The following ANXA6 variants were observed in gnomAD, a reference collection of about 807,000 sequenced individuals.
ANXA6 encodes the protein 67 kDa calelectrin.
In ANXA6, 71 loss-of-function variants were observed where a neutral mutation model predicts 95.4. That is an observed-to-expected ratio of 0.74 (90% confidence interval 0.61 to 0.91). The LOEUF (loss-of-function observed/expected upper bound fraction) is 0.91. Among genes scored for constraint, ANXA6 ranks in the 40% least tolerant of loss-of-function variants. The pLI, the probability that ANXA6 is intolerant of heterozygous loss-of-function variation, is 0.00. For missense variants in ANXA6, 830 were observed against 876.4 expected (o/e 0.95, Z 0.67); for synonymous variants, 289 against 315.9 (o/e 0.91, Z 0.90).
At chr5:151,109,663 C>A in intron 22 of ANXA6, 90 bp downstream of exon 22, 1 of 1,050,014 alleles carries the variant, frequency 9.5e-7, no homozygotes, top group South Asian at 1.4e-5. Flanking sequence ...GGGTGGGCAA[C>A]GGGCTCCTCT....
At chr5:151,118,773 G>A (rs532989137) in intron 18 of ANXA6, among the ~76,000 whole-genome samples, 7 of 151,816 alleles carry the variant, frequency 4.6e-5, no homozygotes, top group Non-Finnish European at 7.4e-5. Flanking sequence ...TTGCCATGTC[G>A]CCCAGGCTGG....
rs17728406 is a variant in ANXA6, at chr5:151,110,563, G to C, written c.1590+64C>G. 78 of 1,570,288 alleles carry C rather than the reference G, an allele frequency of 5.0e-5. No homozygotes were observed. The Admixed American group carries it at 6.4e-4, about 13-fold the overall frequency. On this transcript the variant is annotated intron_variant, in intron 21 of 25. Coordinates refer to ENST00000354546, the MANE Select transcript of ANXA6 (RefSeq NM_001155.5). ...ATCACTGCTCGATACTGCCCCGCTC[G>C]GCCCAGTAAAGGCGGACTTTACTCA...
intron 18 of ANXA6, among the ~76,000 whole-genome samples, chr5:151,118,936 T>C (rs1445794866): frequency 6.6e-6 from 1 of 152,170 alleles, no homozygotes; most frequent in African/African-American, 2.4e-5. Context: ...CGCTTAAAAA[T>C]GAAGAATTTC....
chr5:151,129,854 G>A (rs1222112550), intron 11 of ANXA6, among the ~76,000 whole-genome samples: 1 of 152,114 alleles, frequency 6.6e-6, no homozygotes, highest in African/African-American at 2.4e-5. Flanking sequence ...GGGAGTACAG[G>A]TACCCACCAC....
chr5:151,129,512 G>A lies in ANXA6; in HGVS notation c.813C>T (p.Asp271=), dbSNP rs557062451. Residue 271 remains aspartate (D), a synonymous_variant, in exon 12 of 26, where the codon GAC becomes GAT. Coordinates refer to ENST00000354546, the MANE Select transcript of ANXA6 (RefSeq NM_001155.5). Reference sequence around the variant, plus strand: ...AGACCATGATGCGGATCAGGGTGTTGTCCCGAGTCCCCAGGCCCTGCAAGA... The same window carrying A: ...AGACCATGATGCGGATCAGGGTGTTATCCCGAGTCCCCAGGCCCTGCAAGA... ...FKAMKGLGTR[D]NTLIRIMVSR... The A allele has an allele frequency of 6.2e-7, 1 of 1,606,112 alleles. No individual in the cohort carries two copies. The highest frequency in any genetic ancestry group is 8.5e-7 in the Non-Finnish European group (1 of 1,176,368).
Position 151,117,113 on chromosome 5 carries a change from G to T in ANXA6, c.1572+14C>A, listed in dbSNP as rs1765021440. On this transcript the variant is annotated intron_variant, in intron 20 of 25. Coordinates refer to ENST00000354546, the MANE Select transcript of ANXA6 (RefSeq NM_001155.5). ...CACCCGGCAGAGGTGACTGGGGTGG[G>T]CTGGGGGTCTTACCTGGGCATCTTC... 1.3e-6 allele frequency: 2 copies of T among 1,582,474 alleles called. No individual in the cohort carries two copies. Among genetic ancestry groups the T allele is most frequent in the African/African-American group, 2.7e-5 (2 of 73,888 alleles).
intron 22 of ANXA6, among the ~76,000 whole-genome samples, chr5:151,108,937 C>T (rs752906116): frequency 2.0e-5 from 3 of 152,166 alleles, no homozygotes; most frequent in Admixed American, 6.5e-5. Flanking sequence ...CTCCTGTGTC[C>T]GCTTGGGATG....
rs1277159399 is a variant in ANXA6 at position 151,101,343 on chromosome 5, C to T, written c.*105G>A. ...GAGCCCAACCCAACCCCTCCCCCCA[C>T]CCCTGCCCCTTCCTTAGTCTCTGGA... is the stretch of plus-strand genomic sequence containing the variant. On this transcript the variant is annotated 3_prime_UTR_variant, in exon 26 of 26. Coordinates refer to ENST00000354546, the MANE Select transcript of ANXA6 (RefSeq NM_001155.5). The T allele has an allele frequency of 2.3e-6, 1 of 426,810 alleles. No homozygotes were observed. Among genetic ancestry groups the T allele is most frequent in the South Asian group, 1.7e-5 (1 of 60,300 alleles). The allele number at this position is 426,810 out of a possible 1,614,324, so 26.4% of individuals were successfully genotyped here.
intron 1 of ANXA6, among the ~76,000 whole-genome samples, chr5:151,157,147 G>C (rs79250332): frequency 0.15 from 23,143 of 152,040 alleles, 2,200 homozygotes; most frequent in Non-Finnish European, 0.21. Flanking sequence ...GTCCAATGAG[G>C]CCCTGAGGTA....
intron 8 of ANXA6, 161 bp from the exon 9 acceptor site, chr5:151,133,348 G>T: frequency 3.4e-6 from 2 of 586,232 alleles, no homozygotes; most frequent in Non-Finnish European, 6.2e-6. Context: ...TTAATGATGG[G>T]GATACATTCT....
rs1168408264 is a variant in ANXA6 at position 151,133,205 on chromosome 5, G to A, written c.547-18C>T. The A allele has an allele frequency of 2.1e-5, 33 of 1,543,404 alleles. No homozygotes were observed. Among genetic ancestry groups the A allele is most frequent in the Non-Finnish European group, 2.9e-5 (33 of 1,136,228 alleles). On this transcript the variant is annotated intron_variant, in intron 8 of 25. Coordinates refer to ENST00000354546, the MANE Select transcript of ANXA6 (RefSeq NM_001155.5). ...TATAGGTCCTGAAGGGGAAGAGGTGGCACTTGACTGAAAGAGGAAACCTCA... is the reference window on the plus strand; with the variant it reads ...TATAGGTCCTGAAGGGGAAGAGGTGACACTTGACTGAAAGAGGAAACCTCA...
chr5:151,101,121 T>C lies in ANXA6; in HGVS notation c.*327A>G, dbSNP rs1267724587. 1 of 524,194 alleles carries C rather than the reference T, an allele frequency of 1.9e-6. No homozygotes were observed. The highest frequency in any genetic ancestry group is 3.6e-6 in the Non-Finnish European group (1 of 277,852). 32.5% of individuals were successfully genotyped at this position (524,194 alleles called of 1,614,324 possible). A position where few individuals can be genotyped will look rare whatever the true frequency, so the allele number is the denominator to read the frequency against. On this transcript the variant is annotated 3_prime_UTR_variant, in exon 26 of 26. Coordinates refer to ENST00000354546, the MANE Select transcript of ANXA6 (RefSeq NM_001155.5). ...CACTACTCATTTTACAGACAGAGGT[T>C]CAGGATGTTTTTGGATCTGACATAG...
intron 2 of ANXA6, among the ~76,000 whole-genome samples, chr5:151,146,747 G>A (rs182052533): frequency 1.3e-5 from 2 of 152,226 alleles, no homozygotes; most frequent in African/African-American, 2.4e-5. Flanking sequence ...TTTCTCCAAC[G>A]CCAGCCAACA....
At chr5:151,110,465 C>T (rs750224669) in intron 21 of ANXA6, among the ~76,000 whole-genome samples, 162 bp downstream of exon 21, 1 of 152,194 alleles carries the variant, frequency 6.6e-6, no homozygotes, top group Admixed American at 6.5e-5. Context: ...GTTTGGGAAA[C>T]ACTTGCCTGG....
At chr5:151,129,258 C>T in intron 12 of ANXA6, 149 bp downstream of exon 12, 1 of 1,015,104 alleles carries the variant, frequency 9.9e-7, no homozygotes, top group Non-Finnish European at 1.4e-6. Context: ...CCTTAAATTC[C>T]TTGAATGAGC....
At position 151,117,119 on chromosome 5, in the gene ANXA6, G is replaced by A. The variant is rs1197671326; in HGVS notation, c.1572+8C>T. 8 of 1,587,144 alleles carry A rather than the reference G, an allele frequency of 5.0e-6. No homozygotes were observed. The highest frequency in any genetic ancestry group is 6.9e-6 in the Non-Finnish European group (8 of 1,163,668). On this transcript the variant is annotated splice_region_variant and intron_variant, in intron 20 of 25. Coordinates refer to ENST00000354546, the MANE Select transcript of ANXA6 (RefSeq NM_001155.5). ...GCAGAGGTGACTGGGGTGGGCTGGG[G>A]GTCTTACCTGGGCATCTTCCCGTGC...
chr5:151,124,593 G>C (rs570994941), intron 14 of ANXA6, among the ~76,000 whole-genome samples: 4 of 152,194 alleles, frequency 2.6e-5, no homozygotes, highest in Non-Finnish European at 1.5e-5. Flanking sequence ...GAGAGGGAGA[G>C]AGGGACTCAG....
chr5:151,123,482 C>G (rs1429479103), intron 15 of ANXA6, among the ~76,000 whole-genome samples: 1 of 152,240 alleles, frequency 6.6e-6, no homozygotes, highest in African/African-American at 2.4e-5. Flanking sequence ...CCTCTAACCA[C>G]AGCAGGTTGA....
intron 13 of ANXA6, among the ~76,000 whole-genome samples, chr5:151,127,148 G>A (rs1765348929): frequency 6.6e-6 from 1 of 152,180 alleles, no homozygotes; most frequent in African/African-American, 2.4e-5. Context: ...TCTCAAAGAG[G>A]CCATTGAGCA....
Sources: gnomAD v4.1 joint callset for allele counts (sites outside exome capture counted in the v4.1 genomes callset) on GRCh38, gnomAD v4.1.1 for gene constraint, MANE v1.5 for transcripts, NCBI Gene and HGNC (gene_info 2026-07-23, HGNC 2026-07-21) for gene names.